The following BICD1 variants were observed in gnomAD, a reference collection of about 807,000 sequenced individuals.
BICD1 encodes the protein protein bicaudal D homolog 1.
Under a neutral mutation model 92.5 loss-of-function variants are expected in BICD1, and 35 were observed. The ratio of observed to expected loss-of-function variants is 0.38; its 90% CI spans 0.29 to 0.50. BICD1 has a LOEUF of 0.50. BICD1 is among the 20% of genes least tolerant of loss of function. BICD1 has a pLI of 0.93. For synonymous variants in BICD1, 429 were observed against 465.1 expected (o/e 0.92, Z 1.00); for missense variants, 950 against 1,189.8 (o/e 0.80, Z 2.97).
At chr12:32,331,336 C>T (rs1937860143) in intron 5 of BICD1, among the ~76,000 whole-genome samples, 1 of 152,100 alleles carries the variant, frequency 6.6e-6, no homozygotes, top group South Asian at 2.1e-4. Context: ...CAGGACTTAT[C>T]AAGCACTTTA....
At chr12:32,304,945 C>G (rs1435780414) in intron 3 of BICD1, among the ~76,000 whole-genome samples, 2 of 152,126 alleles carry the variant, frequency 1.3e-5, no homozygotes, top group Non-Finnish European at 2.9e-5. Context: ...TCACTTGAGC[C>G]CGGGAGGTTG....
rs760341874 is a variant in BICD1, at chr12:32,337,792, T to G, written c.2546T>G (p.Val849Gly). ...SQGPQTPNIR[V>G]SSGTQRKRQF... ...GGCCCACAGACACCCAACATTCGGGTCAGCAGTGGCACTCAGAGGAAAAGG... is the reference window on the plus strand; with the variant it reads ...GGCCCACAGACACCCAACATTCGGGGCAGCAGTGGCACTCAGAGGAAAAGG... Residue 849 changes from valine (V) to glycine (G), a missense_variant, in exon 7 of 10, where the codon GTC becomes GGC. Val to Gly is a moderately radical substitution (Grantham distance 109). Transcript: ENST00000652176. The surrounding 1 kb of genome is among the most constrained non-coding windows in gnomAD (Gnocchi z 4.7). 6.2e-7 allele frequency: 1 copy of G among 1,614,090 alleles called. No individual in the cohort carries two copies. The highest frequency in any genetic ancestry group is 2.2e-5 in the East Asian group (1 of 44,884).
intron 2 of BICD1, among the ~76,000 whole-genome samples, chr12:32,254,923 T>C (rs973331642): frequency 6.6e-6 from 1 of 152,202 alleles, no homozygotes; most frequent in Admixed American, 6.5e-5. Flanking sequence ...TTCAGTGTTT[T>C]CATGAGATTC....
At chr12:32,147,955 A>G (rs1475238642) in intron 1 of BICD1, among the ~76,000 whole-genome samples, 2 of 138,324 alleles carry the variant, frequency 1.4e-5, no homozygotes, top group Non-Finnish European at 3.3e-5. Context: ...CCCTAGCAAT[A>G]TAGGGAGACC....
At chr12:32,333,812 C>T (rs11831788) in intron 5 of BICD1, among the ~76,000 whole-genome samples, 3,514 of 152,232 alleles carry the variant, frequency 0.023, 127 homozygotes, top group African/African-American at 0.08. Context: ...CCAAGAACTT[C>T]GGACATGCCC....
intron 9 of BICD1, among the ~76,000 whole-genome samples, chr12:32,374,504 G>A (rs1329432146): frequency 6.6e-6 from 1 of 151,256 alleles, no homozygotes; most frequent in Admixed American, 6.6e-5. Context: ...AACTCTGTTT[G>A]GAGGGTCAAG....
rs574541226 is a variant in BICD1 at position 32,382,231 on chromosome 12, A to G, written c.*4604A>G. The G allele has an allele frequency of 6.6e-6, 1 of 152,122 alleles. No individual in the cohort carries two copies. Among genetic ancestry groups the G allele is most frequent in the Non-Finnish European group, 1.5e-5 (1 of 67,966 alleles). 9.4% of individuals were successfully genotyped at this position (152,122 alleles called of 1,614,324 possible). A position where few individuals can be genotyped will look rare whatever the true frequency, so the allele number is the denominator to read the frequency against. ...TCATCTAGACATGTCTTTCGTCCTT[A>G]TTATTCAAAGTGTAATTGAAAGAGA... is the stretch of plus-strand genomic sequence containing the variant. On this transcript the variant is annotated 3_prime_UTR_variant, in exon 10 of 10. Coordinates refer to ENST00000652176, the MANE Select transcript of BICD1 (RefSeq NM_001714.4).
chr12:32,377,645 C>T lies in BICD1; in HGVS notation c.*18C>T, dbSNP rs894367183. 7.5e-6 allele frequency: 12 copies of T among 1,600,202 alleles called. No individual in the cohort carries two copies. Among genetic ancestry groups the T allele is most frequent in the African/African-American group, 1.3e-5 (1 of 74,676 alleles). On this transcript the variant is annotated 3_prime_UTR_variant, in exon 10 of 10. Coordinates refer to ENST00000652176, the MANE Select transcript of BICD1 (RefSeq NM_001714.4). ...ACCCCTAGTCTTCATCTCCTGTGGA[C>T]GAACATCTGGGGTGGAAGTTTTGTA...
At chr12:32,140,956 G>A (rs1942902766) in intron 1 of BICD1, among the ~76,000 whole-genome samples, 1 of 152,180 alleles carries the variant, frequency 6.6e-6, no homozygotes, top group Non-Finnish European at 1.5e-5. Context: ...TCCGTAGAAC[G>A]TACGTGTTTG....
intron 2 of BICD1, among the ~76,000 whole-genome samples, chr12:32,253,163 G>A (rs1946612941): frequency 6.6e-6 from 1 of 152,158 alleles, no homozygotes; most frequent in South Asian, 2.1e-4. Context: ...GATTACAGGT[G>A]TGAGTCATCG....
chr12:32,284,349 G>A (rs1947502662), intron 2 of BICD1, among the ~76,000 whole-genome samples: 1 of 152,100 alleles, frequency 6.6e-6, no homozygotes, highest in African/African-American at 2.4e-5. Flanking sequence ...AGTATTTATA[G>A]GATACATCAT....
At chr12:32,141,498 G>A (rs1288698448) in intron 1 of BICD1, among the ~76,000 whole-genome samples, 25 of 152,118 alleles carry the variant, frequency 1.6e-4, no homozygotes, top group Admixed American at 1.6e-3. Context: ...TTTTTGAGCG[G>A]AGTCTTGCTC....
At chr12:32,208,494 C>T (rs922581821) in intron 1 of BICD1, among the ~76,000 whole-genome samples, 3 of 152,156 alleles carry the variant, frequency 2.0e-5, no homozygotes, top group Non-Finnish European at 2.9e-5. Flanking sequence ...CTCAGGAGCC[C>T]ACACTCTTAA....
At chr12:32,342,718 G>T (rs913974113) in intron 8 of BICD1, among the ~76,000 whole-genome samples, 4 of 152,028 alleles carry the variant, frequency 2.6e-5, no homozygotes, top group Non-Finnish European at 5.9e-5. Flanking sequence ...AGAGGTATGT[G>T]TCGTTTAAAA....
At chr12:32,240,269 A>G (rs533976709) in intron 2 of BICD1, among the ~76,000 whole-genome samples, 1 of 152,330 alleles carries the variant, frequency 6.6e-6, no homozygotes, top group South Asian at 2.1e-4. Flanking sequence ...TTATGGCTGA[A>G]AACAGCACGA....
At position 32,381,825 on chromosome 12, in the gene BICD1, G is replaced by GT. The variant is rs1047451332; in HGVS notation, c.*4205dup. 3 of 151,986 alleles carry GT rather than the reference G, an allele frequency of 2.0e-5. No individual in the cohort carries two copies. The highest frequency in any genetic ancestry group is 7.2e-5 in the African/African-American group (3 of 41,404). 9.4% of individuals were successfully genotyped at this position (151,986 alleles called of 1,614,324 possible). The stretch of plus-strand genomic sequence containing the variant: ...ACAATTTTAAAAAGGTTGCCCTCCA[G>GT]TTTTTTTGTTTGTTTATAAACTAGA... On this transcript the variant is annotated 3_prime_UTR_variant, in exon 10 of 10. Coordinates refer to ENST00000652176, the MANE Select transcript of BICD1 (RefSeq NM_001714.4).
intron 1 of BICD1, among the ~76,000 whole-genome samples, chr12:32,117,754 A>ATTTTT (rs1280074338): frequency 1.9e-5 from 2 of 106,150 alleles, no homozygotes; most frequent in African/African-American, 6.2e-5. Flanking sequence ...ATATATATAT[A>ATTTTT]TATATTTTTT....
At chr12:32,143,686 C>T (rs922275836) in intron 1 of BICD1, among the ~76,000 whole-genome samples, 3 of 152,130 alleles carry the variant, frequency 2.0e-5, no homozygotes, top group Non-Finnish European at 2.9e-5. Context: ...AGCGTGATCA[C>T]GGTGGTGTAG....
At chr12:32,200,880 TAA>T (rs1944887747) in intron 1 of BICD1, among the ~76,000 whole-genome samples, 1 of 152,178 alleles carries the variant, frequency 6.6e-6, no homozygotes, top group South Asian at 2.1e-4. Flanking sequence ...AATAAGAATA[TAA>T]GTGTCCAAAT....
Sources: gnomAD v4.1 joint callset for allele counts (sites outside exome capture counted in the v4.1 genomes callset) on GRCh38, gnomAD v4.1.1 for gene constraint, Gnocchi (gnomAD v3.1) non-coding constraint, MANE v1.5 for transcripts, NCBI Gene and HGNC (gene_info 2026-07-23, HGNC 2026-07-21) for gene names.